Variants in KANK1 observed in about 807,000 individuals in gnomAD.
KANK1 encodes KN motif and ankyrin repeat domains 1, also known as KN motif and ankyrin repeat domain-containing protein 1.
Under a neutral mutation model 106.2 loss-of-function variants are expected in KANK1, and 109 were observed. The observed-to-expected ratio is 1.03, with a 90% CI of 0.88 to 1.20. The LOEUF (loss-of-function observed/expected upper bound fraction) is 1.20. Among genes scored for constraint, KANK1 ranks in the 50% most tolerant of loss-of-function variants. The pLI, the probability that KANK1 is intolerant of heterozygous loss-of-function variation, is 0.00. For missense variants in KANK1, 2,399 were observed against 1,710.7 expected (o/e 1.40, Z -7.10); for synonymous variants, 873 against 652.2 (o/e 1.34, Z -5.16).
upstream of KANK1, among the ~76,000 whole-genome samples, chr9:504,216 G>A (rs568688445): frequency 4.4e-4 from 67 of 152,284 alleles, 1 homozygote; most frequent in African/African-American, 1.6e-3. Context: ...ACCGTCTCAC[G>A]GGGGCTGGAT....
At position 732,548 on chromosome 9, in the gene KANK1, A is replaced by C. The variant is rs1472988727; in HGVS notation, c.3176A>C (p.Lys1059Thr). 6.2e-7 allele frequency: 1 copy of C among 1,614,160 alleles called. No homozygotes were observed. ...GHHAVNIEGL[K>T]SARVEDEMQV... Reference sequence around the variant, plus strand: ...CATGCAGTTAATATTGAAGGTTTGAAGTCTGCCAGGGTGGAAGATGAAATG... The same window carrying C: ...CATGCAGTTAATATTGAAGGTTTGACGTCTGCCAGGGTGGAAGATGAAATG... The change falls in exon 6 of 12, where the codon AAG becomes ACG. Residue 1059 changes from lysine (K) to threonine (T), a missense_variant. Physicochemically the swap from Lys to Thr is moderately conservative, Grantham distance 78. Coordinates refer to ENST00000382297, the MANE Select transcript of KANK1 (RefSeq NM_015158.5).
At chr9:585,041 A>T (rs1823114825) in intron 1 of KANK1, among the ~76,000 whole-genome samples, 1 of 152,124 alleles carries the variant, frequency 6.6e-6, no homozygotes, top group South Asian at 2.1e-4. Context: ...TTTTGTCCTT[A>T]TCTGCAGCAT....
At chr9:662,126 G>A (rs1198616235) in intron 1 of KANK1, among the ~76,000 whole-genome samples, 1 of 152,116 alleles carries the variant, frequency 6.6e-6, no homozygotes, top group East Asian at 1.9e-4. Context: ...CAAGGGATGT[G>A]AAGGACCTCT....
At chr9:675,995 T>C (rs1243325703) in intron 1 of KANK1, among the ~76,000 whole-genome samples, 3 of 152,322 alleles carry the variant, frequency 2.0e-5, no homozygotes, top group Admixed American at 6.5e-5. Context: ...GTCCTGCTGC[T>C]GGTGGGAATG....
At chr9:536,556 G>C (rs2060310150) in intron 1 of KANK1, among the ~76,000 whole-genome samples, 1 of 152,094 alleles carries the variant, frequency 6.6e-6, no homozygotes, top group Non-Finnish European at 1.5e-5. Context: ...GCCACCACTG[G>C]CAAATTTAGT....
intron 1 of KANK1, among the ~76,000 whole-genome samples, chr9:593,451 TCCC>T (rs34970472): frequency 4.3e-5 from 6 of 140,664 alleles, no homozygotes; most frequent in Non-Finnish European, 7.5e-5. Context: ...CTTTATACAT[TCCC>T]CCCCCCCATA....
At chr9:521,177 G>A (rs1410884718) in intron 1 of KANK1, among the ~76,000 whole-genome samples, 2 of 151,738 alleles carry the variant, frequency 1.3e-5, no homozygotes, top group African/African-American at 4.9e-5. Context: ...GTCATACATT[G>A]CTGTGAGGAA....
At chr9:620,430 G>T (rs1051604896) in intron 1 of KANK1, among the ~76,000 whole-genome samples, 1 of 151,812 alleles carries the variant, frequency 6.6e-6, no homozygotes, top group Admixed American at 6.6e-5. Flanking sequence ...ACGGAGTCTC[G>T]CACTGTCACC....
intron 2 of KANK1, among the ~76,000 whole-genome samples, chr9:704,022 TG>T (rs1823376105): frequency 6.6e-6 from 1 of 152,212 alleles, no homozygotes; most frequent in Admixed American, 6.5e-5. Flanking sequence ...CCAAAACTGT[TG>T]TTTTTATACT....
upstream of KANK1, among the ~76,000 whole-genome samples, chr9:502,861 GTC>G (rs1210951141): frequency 3.9e-5 from 6 of 152,080 alleles, no homozygotes; most frequent in African/African-American, 1.4e-4. Context: ...TTGAGACAGG[GTC>G]ACACTCTGTA....
intron 1 of KANK1, among the ~76,000 whole-genome samples, chr9:578,416 C>G (rs773887080): frequency 4.6e-4 from 69 of 151,592 alleles, no homozygotes; most frequent in Non-Finnish European, 7.9e-4. Flanking sequence ...TGACATGGAC[C>G]ACAGACAATT....
intron 1 of KANK1, among the ~76,000 whole-genome samples, chr9:671,962 A>G (rs1450013693): frequency 6.6e-6 from 1 of 152,196 alleles, no homozygotes; most frequent in Non-Finnish European, 1.5e-5. Context: ...AAGAAAAAAA[A>G]TTACATAAAA....
At chr9:551,148 T>C (rs1001762277) in intron 1 of KANK1, among the ~76,000 whole-genome samples, 1 of 151,836 alleles carries the variant, frequency 6.6e-6, no homozygotes, top group Non-Finnish European at 1.5e-5. Context: ...CAGATTGTCA[T>C]AAGAAGCTCA....
intron 1 of KANK1, among the ~76,000 whole-genome samples, chr9:599,752 A>G (rs1271558838): frequency 1.3e-5 from 2 of 151,914 alleles, no homozygotes; most frequent in Non-Finnish European, 2.9e-5. Context: ...TAAAGAGAGA[A>G]TTGACTTTTC....
At chr9:640,823 A>G (rs574597708) in intron 1 of KANK1, among the ~76,000 whole-genome samples, 59 of 151,238 alleles carry the variant, frequency 3.9e-4, no homozygotes, top group Non-Finnish European at 6.9e-4. Context: ...TGGCCTCCCG[A>G]GTAGCTGGAC....
rs1041157083 is a variant in KANK1 at position 547,720 on chromosome 9, C to T, written c.-84+42966C>T. Among the ~76,000 whole-genome samples, 30 of 143,002 alleles carry T rather than the reference C, an allele frequency of 2.1e-4. 2 individuals carry two copies. Among genetic ancestry groups the T allele is most frequent in the Admixed American group, 2.8e-4 (4 of 14,330 alleles). The allele number at this position is 143,002 out of a possible 152,430, so 93.8% of individuals were successfully genotyped here. ...TGCATGGTGGGTACCATTATATAAA[C>T]GGTATGAGCATGCTTTTCTTGTGTC... On this transcript the variant is annotated intron_variant, in intron 1 of 11. Coordinates refer to ENST00000382297, the MANE Select transcript of KANK1 (RefSeq NM_015158.5).
chr9:482,472 C>G (rs2058222870), intron 3 of KANK1, among the ~76,000 whole-genome samples: 1 of 152,160 alleles, frequency 6.6e-6, no homozygotes, highest in African/African-American at 2.4e-5. Flanking sequence ...CCTCCCTTGC[C>G]AACTCAACCT....
chr9:624,458 C>T (rs752410335), intron 1 of KANK1, among the ~76,000 whole-genome samples: 1 of 151,930 alleles, frequency 6.6e-6, no homozygotes, highest in Admixed American at 6.6e-5. Context: ...ATTAATTATT[C>T]CTCAATAAAA....
At chr9:670,148 C>A (rs1845554997) in intron 1 of KANK1, among the ~76,000 whole-genome samples, 1 of 152,086 alleles carries the variant, frequency 6.6e-6, no homozygotes, top group Non-Finnish European at 1.5e-5. Flanking sequence ...TCTTGGAGAT[C>A]CCTGAGTTTC....
Sources: gnomAD v4.1 joint callset for allele counts (sites outside exome capture counted in the v4.1 genomes callset) on GRCh38, gnomAD v4.1.1 for gene constraint, MANE v1.5 for transcripts, NCBI Gene and HGNC (gene_info 2026-07-23, HGNC 2026-07-21) for gene names.